The following IL1RL2 variants were observed in gnomAD, a reference collection of about 807,000 sequenced individuals.
The protein encoded by IL1RL2 is interleukin 1 receptor like 2.
Under a neutral mutation model 66.8 loss-of-function variants are expected in IL1RL2, and 68 were observed. The ratio of observed to expected loss-of-function variants is 1.02; its 90% CI spans 0.84 to 1.25. The LOEUF (loss-of-function observed/expected upper bound fraction) is 1.25. IL1RL2 is among the 50% of genes most tolerant of loss of function. The probability of loss-of-function intolerance (pLI) is 0.00; values close to 1 mark genes in which losing one functional copy is unlikely to be tolerated. For missense variants in IL1RL2, 729 were observed against 709.3 expected (o/e 1.03, Z -0.32); for synonymous variants, 305 against 264.6 (o/e 1.15, Z -1.48).
chr2:102,206,798 C>A (rs1300730962), intron 5 of IL1RL2, among the ~76,000 whole-genome samples: 1 of 152,246 alleles, frequency 6.6e-6, no homozygotes, highest in Non-Finnish European at 1.5e-5. Flanking sequence ...CCAGCCAGGC[C>A]TGTGTCCCTC....
downstream of IL1RL2, among the ~76,000 whole-genome samples, chr2:102,241,989 G>A (rs974609217): frequency 6.6e-6 from 1 of 152,212 alleles, no homozygotes; most frequent in Non-Finnish European, 1.5e-5. Context: ...GAGGACATGA[G>A]TTTGTGAAAC....
At chr2:102,191,598 A>T (rs1223232357) in intron 3 of IL1RL2, among the ~76,000 whole-genome samples, 1 of 152,134 alleles carries the variant, frequency 6.6e-6, no homozygotes, top group African/African-American at 2.4e-5. Context: ...GTATTTCTTC[A>T]TGAGTAGGTT....
chr2:102,225,875 TA>T (rs1690556351), intron 8 of IL1RL2, 22 bp from the exon 9 acceptor site: 5 of 1,476,394 alleles, frequency 3.4e-6, no homozygotes, highest in Non-Finnish European at 4.5e-6. Flanking sequence ...TAATTATTAT[TA>T]TTTTTTTGCT....
intron 4 of IL1RL2, among the ~76,000 whole-genome samples, chr2:102,200,321 A>T (rs1213643721): frequency 1.3e-5 from 2 of 152,200 alleles, no homozygotes; most frequent in Non-Finnish European, 2.9e-5. Flanking sequence ...AGCATTTCAC[A>T]TTATAAATAA....
chr2:102,227,756 A>G lies in IL1RL2; in HGVS notation c.1135+1715A>G, dbSNP rs183611500. Among the ~76,000 whole-genome samples, 66 of 152,216 alleles carry G rather than the reference A, an allele frequency of 4.3e-4. 1 individual carries two copies. In the East Asian group the frequency reaches 4.4e-3, roughly 10 times the overall value. On this transcript the variant is annotated intron_variant, in intron 9 of 11. Transcript: ENST00000264257. Reference sequence around the variant, plus strand: ...TTTTTGACTAACAGAAGCCTGCGTCACTTTACGTATTCTTCCTGGAAGCTC... The same window carrying G: ...TTTTTGACTAACAGAAGCCTGCGTCGCTTTACGTATTCTTCCTGGAAGCTC...
chr2:102,212,124 G>A lies in IL1RL2; in HGVS notation c.674G>A (p.Ser225Asn). Residue 225 changes from serine (S) to asparagine (N), a missense_variant, in exon 6 of 12, where the codon AGT becomes AAT. Physicochemically the swap from Ser to Asn is conservative, Grantham distance 46 (BLOSUM62 1). Coordinates refer to ENST00000264257, the MANE Select transcript of IL1RL2 (RefSeq NM_003854.4). ...GCAGAAAGAGCTGGATATGGAGGAA[G>A]TGTCCCTAAAATCATTTATCCAAAA... ...SITERAGYGGSVPKIIYPKNH... is the reference protein window; with the variant it reads ...SITERAGYGGNVPKIIYPKNH... 1 of 1,613,416 alleles carries A rather than the reference G, an allele frequency of 6.2e-7. No individual in the cohort carries two copies. The highest frequency in any genetic ancestry group is 8.5e-7 in the Non-Finnish European group (1 of 1,179,456).
chr2:102,210,757 T>C (rs1397770343), intron 5 of IL1RL2, among the ~76,000 whole-genome samples: 2 of 152,118 alleles, frequency 1.3e-5, no homozygotes, highest in Non-Finnish European at 2.9e-5. Flanking sequence ...GATCATGAGT[T>C]TGGTCATTGC....
chr2:102,192,747 A>G (rs909641030), intron 4 of IL1RL2, among the ~76,000 whole-genome samples: 1 of 152,118 alleles, frequency 6.6e-6, no homozygotes, highest in African/African-American at 2.4e-5. Flanking sequence ...GTCATTTGAG[A>G]TTGGAATTAG....
intron 7 of IL1RL2, 131 bp downstream of exon 7, chr2:102,219,213 C>T: frequency 1.0e-6 from 1 of 1,002,194 alleles, no homozygotes; most frequent in Non-Finnish European, 1.6e-6. Context: ...TCCCACCTAT[C>T]ACATAGTTAG....
intron 11 of IL1RL2, 62 bp downstream of exon 11, chr2:102,235,339 T>C: frequency 6.4e-7 from 1 of 1,563,810 alleles, no homozygotes; most frequent in Non-Finnish European, 8.7e-7. Context: ...CATTGCGTGG[T>C]GGCTCACAGC....
intron 1 of IL1RL2, 114 bp from the exon 2 acceptor site, chr2:102,187,742 G>T: frequency 1.1e-6 from 1 of 888,324 alleles, no homozygotes; most frequent in East Asian, 2.4e-5. Context: ...CCAGGAAAAA[G>T]GGAAGGTCAG....
chr2:102,219,776 C>T, intron 7 of IL1RL2, 105 bp from the exon 8 acceptor site: 1 of 1,108,086 alleles, frequency 9.0e-7, no homozygotes, highest in Non-Finnish European at 1.3e-6. Flanking sequence ...AACATGATGG[C>T]CCAAAGTGTT....
chr2:102,201,198 G>T (rs755226201), intron 4 of IL1RL2, among the ~76,000 whole-genome samples: 1 of 151,962 alleles, frequency 6.6e-6, no homozygotes, highest in African/African-American at 2.4e-5. Context: ...CCTCCATGAA[G>T]TCTTCCTTCC....
At chr2:102,207,393 A>G (rs754513456) in intron 5 of IL1RL2, among the ~76,000 whole-genome samples, 16 of 152,170 alleles carry the variant, frequency 1.1e-4, no homozygotes, top group Non-Finnish European at 1.2e-4. Flanking sequence ...AAGGCATTCA[A>G]TGTAATACCT....
chr2:102,191,912 A>G lies in IL1RL2; in HGVS notation c.294-13A>G, dbSNP rs1354658984. Reference sequence around the variant, plus strand: ...GTTTTAAAGAGTTTATGAGGTCTCAATCTGTCTTACAGGGGTAGAGACAGC... The same window carrying G: ...GTTTTAAAGAGTTTATGAGGTCTCAGTCTGTCTTACAGGGGTAGAGACAGC... On this transcript the variant is annotated splice_polypyrimidine_tract_variant and intron_variant, in intron 3 of 11. Coordinates refer to ENST00000264257, the MANE Select transcript of IL1RL2 (RefSeq NM_003854.4). 1.9e-6 allele frequency: 3 copies of G among 1,554,656 alleles called. No homozygotes were observed. The highest frequency in any genetic ancestry group is 2.3e-5 in the East Asian group (1 of 43,652).
rs370451497 is a variant in IL1RL2 at position 102,234,905 on chromosome 2, A to G, written c.1306A>G (p.Asn436Asp). The G allele has an allele frequency of 1.9e-6, 3 of 1,611,292 alleles. No homozygotes were observed. Among genetic ancestry groups the G allele is most frequent in the East Asian group, 4.5e-5 (2 of 44,782 alleles). ...RDEFPGQAVA[N>D]VIDENVKLCR... ...TCTTTCTTTATTTCCAGCCGTGGCC[A>G]ATGTCATCGATGAAAACGTTAAGCT... is the stretch of plus-strand genomic sequence containing the variant. The change falls in exon 11 of 12, where the codon AAT becomes GAT. Residue 436 changes from asparagine to aspartate, a missense_variant. Transcript: ENST00000264257.
At chr2:102,216,916 C>A (rs780855693) in intron 6 of IL1RL2, among the ~76,000 whole-genome samples, 3 of 152,116 alleles carry the variant, frequency 2.0e-5, no homozygotes, top group Non-Finnish European at 4.4e-5. Flanking sequence ...TTATACATTG[C>A]GTGTTCTTTA....
chr2:102,222,866 A>T (rs1690259883), intron 8 of IL1RL2, among the ~76,000 whole-genome samples: 1 of 152,224 alleles, frequency 6.6e-6, no homozygotes. Flanking sequence ...GGAGACCTGA[A>T]GTGGTTACAA....
At chr2:102,234,630 T>C (rs570606627) in intron 10 of IL1RL2, among the ~76,000 whole-genome samples, 1 of 152,186 alleles carries the variant, frequency 6.6e-6, no homozygotes, top group South Asian at 2.1e-4. Flanking sequence ...CTACTAAAAA[T>C]GCAAAAATTA....
Sources: allele counts gnomAD v4.1 joint callset (sites outside exome capture counted in the v4.1 genomes callset), GRCh38; gene constraint gnomAD v4.1.1; transcripts MANE v1.5; gene names NCBI Gene and HGNC (gene_info 2026-07-23, HGNC 2026-07-21).